Variants in GALNS observed in about 807,000 individuals in gnomAD.
GALNS encodes the protein N-acetylgalactosamine-6-sulfatase.
A neutral mutation model predicts 65.9 loss-of-function variants in GALNS; 65 were observed. That is an observed-to-expected ratio of 0.99 (90% CI 0.81 to 1.21). The LOEUF is 1.21. Among genes scored for constraint, GALNS ranks in the 50% most tolerant of loss-of-function variants. The pLI is 0.00. For missense variants in GALNS, 776 were observed against 700.7 expected (o/e 1.11, Z -1.21); for synonymous variants, 346 against 288.9 (o/e 1.20, Z -2.00).
At chr16:88,848,906 G>C (rs1405090462) in intron 1 of GALNS, among the ~76,000 whole-genome samples, 1 of 152,224 alleles carries the variant, frequency 6.6e-6, no homozygotes, top group Non-Finnish European at 1.5e-5. Context: ...TCTTTGTCTG[G>C]ATGCAATGAT....
intron 1 of GALNS, chr16:88,843,642 C>T: frequency 5.6e-6 from 1 of 177,744 alleles, no homozygotes; most frequent in Non-Finnish European, 1.2e-5. Flanking sequence ...GACGCAGCCA[C>T]CAGCCAGGGG....
intron 8 of GALNS, among the ~76,000 whole-genome samples, chr16:88,832,682 G>A (rs940077308): frequency 1.3e-5 from 2 of 152,214 alleles, no homozygotes; most frequent in Non-Finnish European, 2.9e-5. Context: ...GGGGGCCCAC[G>A]TCAGGGACAA....
In GALNS at chr16:88,837,909, A is replaced by T; in HGVS notation, c.423-144T>A. 3 of 800,226 alleles carry T rather than the reference A, an allele frequency of 3.7e-6. No individual in the cohort carries two copies. In the South Asian group the frequency reaches 4.8e-5, roughly 13 times the overall value. The allele number at this position is 800,226 out of a possible 1,614,324, so 49.6% of individuals were successfully genotyped here. On this transcript the variant is annotated intron_variant, in intron 4 of 13. Transcript: ENST00000268695. ...AGTATGGGCTATGCCTGGGCACGGC[A>T]GGGACAAAAGACCAAGGCCTCACCC...
chr16:88,856,359 G>A (rs1967879357), intron 1 of GALNS: 1 of 701,926 alleles, frequency 1.4e-6, no homozygotes, highest in Non-Finnish European at 2.6e-6. Context: ...TCCCTTTGGG[G>A]AGGCCACGCT....
At chr16:88,849,848 CA>C (rs1381516946) in intron 1 of GALNS, among the ~76,000 whole-genome samples, 3 of 152,242 alleles carry the variant, frequency 2.0e-5, no homozygotes, top group African/African-American at 7.2e-5. Flanking sequence ...GGTGGGAGGA[CA>C]GGGGGCAGGA....
At position 88,818,067 on chromosome 16, in the gene GALNS, C is replaced by A. The variant is rs1303202361; in HGVS notation, c.1422G>T (p.Gln474His). Residue 474 changes from glutamine to histidine, a missense_variant, in exon 13 of 14, where the codon CAG becomes CAT. Gln to His is a conservative substitution (Grantham distance 24). Coordinates refer to ENST00000268695, the MANE Select transcript of GALNS (RefSeq NM_000512.5). ...GCGCGGGGACCAAGGCCTCCTGGTG[C>A]TGCTGGACGACCGAGGTGATCCTGC... is the stretch of plus-strand genomic sequence containing the variant. ...ALSRITSVVQ[Q>H]HQEALVPAQP... 2 of 1,576,624 alleles carry A rather than the reference C, an allele frequency of 1.3e-6. No individual in the cohort carries two copies. The highest frequency in any genetic ancestry group is 1.2e-5 in the South Asian group (1 of 86,558).
intron 13 of GALNS, chr16:88,817,374 C>T: frequency 2.0e-6 from 2 of 985,408 alleles, no homozygotes; most frequent in Non-Finnish European, 2.4e-6. Context: ...TGAACAAGGC[C>T]TGGTCTTGTC....
At chr16:88,849,624 C>T (rs370836834) in intron 1 of GALNS, among the ~76,000 whole-genome samples, 18 of 152,176 alleles carry the variant, frequency 1.2e-4, no homozygotes, top group African/African-American at 3.9e-4. Context: ...AGTTTTGCCA[C>T]GTTGCCCAGG....
chr16:88,832,533 G>A (rs966410814), intron 8 of GALNS, among the ~76,000 whole-genome samples: 4 of 152,268 alleles, frequency 2.6e-5, no homozygotes, highest in East Asian at 3.9e-4. Flanking sequence ...TGGGGCGTAG[G>A]AATCTGTGTT....
chr16:88,827,535 C>T (rs995329794), intron 9 of GALNS, among the ~76,000 whole-genome samples: 7 of 152,188 alleles, frequency 4.6e-5, no homozygotes, highest in Non-Finnish European at 1.0e-4. Context: ...CAACCTCTGC[C>T]TTCCAGGTTC....
chr16:88,831,142 C>A (rs1373944224), intron 9 of GALNS, among the ~76,000 whole-genome samples: 5 of 152,238 alleles, frequency 3.3e-5, no homozygotes, highest in African/African-American at 1.2e-4. Context: ...GAGAGCCTTC[C>A]TGCCTGTCTG....
At chr16:88,851,342 T>C (rs1198056854) in intron 1 of GALNS, among the ~76,000 whole-genome samples, 1 of 152,116 alleles carries the variant, frequency 6.6e-6, no homozygotes. Flanking sequence ...AGACAGACAC[T>C]GTCACTAAAA....
intron 1 of GALNS, among the ~76,000 whole-genome samples, chr16:88,852,582 T>C (rs1456786447): frequency 2.0e-5 from 3 of 152,218 alleles, no homozygotes; most frequent in African/African-American, 7.2e-5. Flanking sequence ...AATAACCAAC[T>C]TCTCCGAACT....
chr16:88,836,682 A>T (rs1432577103), intron 5 of GALNS, among the ~76,000 whole-genome samples: 2 of 151,824 alleles, frequency 1.3e-5, no homozygotes, highest in Admixed American at 6.6e-5. Context: ...GAAGCCTGGA[A>T]ATGAAATGTC....
intron 13 of GALNS, chr16:88,816,449 C>A (rs79530020): frequency 8.1e-6 from 8 of 985,348 alleles, no homozygotes; most frequent in Non-Finnish European, 9.6e-6. Context: ...GAGGCGGGGA[C>A]GCCAGCTGCC....
At chr16:88,846,487 C>T (rs1967248090) in intron 1 of GALNS, among the ~76,000 whole-genome samples, 1 of 150,650 alleles carries the variant, frequency 6.6e-6, no homozygotes, top group Non-Finnish European at 1.5e-5. Flanking sequence ...GGCCTCCAGA[C>T]CGAGACAGAA....
chr16:88,816,906 AG>A, intron 13 of GALNS: 3 of 985,442 alleles, frequency 3.0e-6, no homozygotes, highest in Non-Finnish European at 3.6e-6. Flanking sequence ...AGCCACGCCC[AG>A]CCCGTGTAAA....
In GALNS at chr16:88,832,119, T is replaced by C; in HGVS notation, c.899-18A>G. On this transcript the variant is annotated intron_variant, in intron 8 of 13. Transcript: ENST00000268695. ...GCTGCCACCTGGGAGAGAGGGGCCC[T>C]TGTCAGGCCACTGGGACCAGATGTC... The C allele has an allele frequency of 6.2e-7, 1 of 1,606,522 alleles. No individual in the cohort carries two copies. Among genetic ancestry groups the C allele is most frequent in the Non-Finnish European group, 8.5e-7 (1 of 1,174,186 alleles).
At chr16:88,856,605 C>G in intron 1 of GALNS, 153 bp downstream of exon 1, 7 of 567,528 alleles carry the variant, frequency 1.2e-5, no homozygotes, top group South Asian at 1.2e-4. Flanking sequence ...CCCCCTCCTC[C>G]TCCCCGCGCG....
Sources: allele counts gnomAD v4.1 joint callset (sites outside exome capture counted in the v4.1 genomes callset), GRCh38; gene constraint gnomAD v4.1.1; transcripts MANE v1.5; gene names NCBI Gene and HGNC (gene_info 2026-07-23, HGNC 2026-07-21).